The following RBFOX1 variants were observed in gnomAD, a reference collection of about 807,000 sequenced individuals.
RBFOX1 encodes RNA binding fox-1 homolog 1, also known as RNA binding protein fox-1 homolog 1.
In RBFOX1, 8 loss-of-function variants were observed where a neutral mutation model predicts 57.7. That is an observed-to-expected ratio of 0.14 (90% CI 0.08 to 0.25). The LOEUF (loss-of-function observed/expected upper bound fraction) is 0.25, where lower values mean the gene tolerates loss of function less well. RBFOX1 is among the 10% of genes least tolerant of loss of function. The pLI, the probability that RBFOX1 is intolerant of heterozygous loss-of-function variation, is 1.00. For missense variants in RBFOX1, 611 were observed against 548.5 expected (o/e 1.11, Z -1.14); for synonymous variants, 326 against 222.4 (o/e 1.47, Z -4.15).
chr16:7,071,383 C>T lies in RBFOX1; in HGVS notation c.27+19285C>T, dbSNP rs1337732891. Among the ~76,000 whole-genome samples the T allele has an allele frequency of 2.0e-5, 3 of 152,156 alleles. No individual in the cohort carries two copies. In the East Asian group the frequency reaches 5.8e-4, roughly 29 times the overall value. ...CATGAAATTAGGTGTTAGAAAAGCGCAGAGGAGAGTATTATTACCCCTCCT... is the reference window on the plus strand; with the variant it reads ...CATGAAATTAGGTGTTAGAAAAGCGTAGAGGAGAGTATTATTACCCCTCCT... On this transcript the variant is annotated intron_variant, in intron 4 of 15. Transcript: ENST00000550418.
At chr16:6,281,750 T>A (rs1291367880) in intron 1 of RBFOX1, among the ~76,000 whole-genome samples, 3 of 152,134 alleles carry the variant, frequency 2.0e-5, no homozygotes, top group Non-Finnish European at 2.9e-5. Context: ...CTGTGGATAA[T>A]GTTGGTGCTT....
chr16:6,685,277 T>TC (rs561533605), intron 3 of RBFOX1, among the ~76,000 whole-genome samples: 13 of 102,826 alleles, frequency 1.3e-4, no homozygotes, highest in South Asian at 6.7e-4. Flanking sequence ...GTTTTTCTTT[T>TC]TTTTTTTTTT....
chr16:6,908,105 G>T (rs1353782910), intron 3 of RBFOX1, among the ~76,000 whole-genome samples: 3 of 151,672 alleles, frequency 2.0e-5, no homozygotes, highest in Non-Finnish European at 4.4e-5. Flanking sequence ...ACAGCTACTG[G>T]GGGTTAGGAC....
Position 6,906,259 on chromosome 16 carries a change from T to C in RBFOX1, c.-15-145798T>C, listed in dbSNP as rs575382369. Among the ~76,000 whole-genome samples, 4 of 150,204 alleles carry C rather than the reference T, an allele frequency of 2.7e-5. 1 individual carries two copies. The highest frequency in any genetic ancestry group is 9.9e-5 in the African/African-American group (4 of 40,224). On this transcript the variant is annotated intron_variant, in intron 3 of 15. Coordinates refer to ENST00000550418, the MANE Select transcript of RBFOX1 (RefSeq NM_018723.4). ...TTATTACCCCCCCCCAAAATATACA[T>C]TGTCATGTGGAGCGGAAGGATTAAA...
chr16:6,861,975 A>G (rs2059107554), intron 3 of RBFOX1, among the ~76,000 whole-genome samples: 1 of 151,896 alleles, frequency 6.6e-6, no homozygotes, highest in Non-Finnish European at 1.5e-5. Flanking sequence ...GGGAGGCTTG[A>G]ATCAAAGAAA....
At chr16:7,196,440 A>G (rs1481847433) in intron 4 of RBFOX1, among the ~76,000 whole-genome samples, 1 of 152,158 alleles carries the variant, frequency 6.6e-6, no homozygotes, top group Admixed American at 6.5e-5. Context: ...CATTCAGACC[A>G]TTGCCAACAC....
chr16:5,547,498 C>G (rs969707679), intron 2 of RBFOX1, among the ~76,000 whole-genome samples: 2 of 152,004 alleles, frequency 1.3e-5, no homozygotes, highest in African/African-American at 4.8e-5. Flanking sequence ...GTGAAAGATG[C>G]CAGATAAAAA....
chr16:7,613,000 TA>T (rs2141584788), intron 10 of RBFOX1, among the ~76,000 whole-genome samples: 1 of 152,210 alleles, frequency 6.6e-6, no homozygotes, highest in East Asian at 1.9e-4. Flanking sequence ...GGAATTGAGT[TA>T]AATTACTCCA....
intron 1 of RBFOX1, among the ~76,000 whole-genome samples, chr16:6,278,691 G>A (rs895662753): frequency 6.6e-6 from 1 of 151,614 alleles, no homozygotes; most frequent in African/African-American, 2.4e-5. Flanking sequence ...TCCTTTATTT[G>A]TTATTTAAAG....
chr16:7,485,462 C>A (rs2065136106), intron 4 of RBFOX1, among the ~76,000 whole-genome samples: 1 of 152,200 alleles, frequency 6.6e-6, no homozygotes, highest in Non-Finnish European at 1.5e-5. Context: ...CAGCTGAATG[C>A]TTCAACCTCC....
intron 1 of RBFOX1, among the ~76,000 whole-genome samples, chr16:6,265,616 C>G (rs999874682): frequency 2.0e-5 from 3 of 152,126 alleles, no homozygotes; most frequent in Non-Finnish European, 4.4e-5. Flanking sequence ...AGACCTGAAG[C>G]CTTCTTAAAT....
chr16:7,461,043 C>T (rs995838906), intron 4 of RBFOX1, among the ~76,000 whole-genome samples: 2 of 152,176 alleles, frequency 1.3e-5, no homozygotes, highest in African/African-American at 2.4e-5. Context: ...CTTTAGGTTT[C>T]TGTTAGCCAG....
At chr16:7,272,833 C>G (rs1013319246) in intron 4 of RBFOX1, among the ~76,000 whole-genome samples, 1 of 150,892 alleles carries the variant, frequency 6.6e-6, no homozygotes, top group African/African-American at 2.4e-5. Context: ...CCTCTCCTCC[C>G]TCCCCTCCCT....
intron 2 of RBFOX1, among the ~76,000 whole-genome samples, chr16:6,564,895 C>G (rs1234006355): frequency 1.3e-5 from 2 of 152,040 alleles, no homozygotes. Context: ...AATCCCAGCA[C>G]TTTGAGAGGC....
chr16:5,914,185 C>G (rs1259476010), intron 4 of RBFOX1, among the ~76,000 whole-genome samples: 2 of 152,214 alleles, frequency 1.3e-5, no homozygotes, highest in African/African-American at 4.8e-5. Flanking sequence ...GGAAAACTGT[C>G]TTCATTTTGA....
chr16:7,395,795 C>T (rs1195833452), intron 4 of RBFOX1, among the ~76,000 whole-genome samples: 1 of 152,192 alleles, frequency 6.6e-6, no homozygotes, highest in Non-Finnish European at 1.5e-5. Flanking sequence ...CATATTTACC[C>T]TCAAAGACTA....
At chr16:7,332,335 C>T (rs918624583) in intron 4 of RBFOX1, among the ~76,000 whole-genome samples, 7 of 152,276 alleles carry the variant, frequency 4.6e-5, no homozygotes, top group East Asian at 1.9e-4. Context: ...TGTCTCTCTG[C>T]GTAGCACACA....
intron 2 of RBFOX1, among the ~76,000 whole-genome samples, chr16:6,554,742 A>G (rs1465545020): frequency 6.6e-6 from 1 of 151,096 alleles, no homozygotes; most frequent in Admixed American, 6.6e-5. Flanking sequence ...ACACACACAC[A>G]CACACACACA....
At chr16:6,040,553 T>A (rs1031972762) in intron 1 of RBFOX1, among the ~76,000 whole-genome samples, 5 of 144,770 alleles carry the variant, frequency 3.5e-5, no homozygotes, top group East Asian at 1.9e-4. Context: ...TTAATCATTC[T>A]TTCTTTCTTT....
Sources: gnomAD v4.1 joint callset for allele counts (sites outside exome capture counted in the v4.1 genomes callset) on GRCh38, gnomAD v4.1.1 for gene constraint, MANE v1.5 for transcripts, NCBI Gene and HGNC (gene_info 2026-07-23, HGNC 2026-07-21) for gene names.